The following NUDCD3 variants were observed in gnomAD, a reference collection of about 807,000 sequenced individuals.
NUDCD3 encodes the protein nudC domain-containing protein 3.
In NUDCD3, 13 loss-of-function variants were observed where a neutral mutation model predicts 39.7. That is an observed-to-expected ratio of 0.33 (90% CI 0.21 to 0.52). The LOEUF (loss-of-function observed/expected upper bound fraction) is 0.52, where lower values mean the gene tolerates loss of function less well. Among genes scored for constraint, NUDCD3 ranks in the 20% least tolerant of loss-of-function variants. The probability of loss-of-function intolerance (pLI) is 0.96; values close to 1 mark genes in which losing one functional copy is unlikely to be tolerated. For synonymous variants in NUDCD3, 175 were observed against 172.4 expected (o/e 1.02, Z -0.12); for missense variants, 453 against 458.1 (o/e 0.99, Z 0.10).
intron 2 of NUDCD3, among the ~76,000 whole-genome samples, chr7:44,442,432 C>G (rs994965785): frequency 6.6e-6 from 1 of 152,168 alleles, no homozygotes; most frequent in African/African-American, 2.4e-5. Context: ...ATGGAGACTG[C>G]AGGCAAGCCT....
chr7:44,396,183 T>C (rs1162348959), intron 4 of NUDCD3, among the ~76,000 whole-genome samples: 1 of 151,834 alleles, frequency 6.6e-6, no homozygotes, highest in Non-Finnish European at 1.5e-5. Context: ...GTCCTGACCA[T>C]ATACACACAG....
At chr7:44,401,798 A>T (rs923224417) in intron 4 of NUDCD3, among the ~76,000 whole-genome samples, 1 of 152,204 alleles carries the variant, frequency 6.6e-6, no homozygotes, top group African/African-American at 2.4e-5. Context: ...CAGCCAGGGC[A>T]CAAATGAAGC....
At chr7:44,478,291 C>G (rs959882087) in intron 2 of NUDCD3, among the ~76,000 whole-genome samples, 1 of 152,196 alleles carries the variant, frequency 6.6e-6, no homozygotes, top group Admixed American at 6.5e-5. Context: ...TGGCTCACGC[C>G]TGTAATTCCA....
chr7:44,419,154 G>A (rs1009093852), intron 3 of NUDCD3, among the ~76,000 whole-genome samples: 2 of 152,176 alleles, frequency 1.3e-5, no homozygotes, highest in African/African-American at 2.4e-5. Flanking sequence ...GTGGGGGGAA[G>A]GGCGCCTGCC....
At chr7:44,399,967 GA>G (rs1212953631) in intron 4 of NUDCD3, among the ~76,000 whole-genome samples, 6 of 152,124 alleles carry the variant, frequency 3.9e-5, no homozygotes, top group African/African-American at 1.2e-4. Flanking sequence ...AATACATGAA[GA>G]AGTGTATATG....
At chr7:44,425,137 T>C (rs1799209312) in intron 3 of NUDCD3, among the ~76,000 whole-genome samples, 1 of 151,792 alleles carries the variant, frequency 6.6e-6, no homozygotes, top group Admixed American at 6.6e-5. Context: ...CACCAGGGCC[T>C]GCCAAGGGGT....
chr7:44,473,845 A>G (rs6463236), intron 2 of NUDCD3, among the ~76,000 whole-genome samples: 20,565 of 152,190 alleles, frequency 0.14, 1,719 homozygotes, highest in Non-Finnish European at 0.19. Context: ...TACTTTACCA[A>G]ATAAATTTTG....
chr7:44,450,544 C>A (rs1244708210), intron 2 of NUDCD3, among the ~76,000 whole-genome samples: 1 of 151,992 alleles, frequency 6.6e-6, no homozygotes, highest in East Asian at 1.9e-4. Context: ...GTAATCCTAG[C>A]ACTCTGGGAG....
chr7:44,435,473 A>G (rs1178619664), intron 2 of NUDCD3, among the ~76,000 whole-genome samples: 3 of 152,242 alleles, frequency 2.0e-5, no homozygotes, highest in Admixed American at 1.3e-4. Flanking sequence ...CACGTAGCAT[A>G]TGAAAAATCC....
intron 2 of NUDCD3, among the ~76,000 whole-genome samples, chr7:44,457,556 A>G (rs1176772575): frequency 6.6e-6 from 1 of 152,240 alleles, no homozygotes; most frequent in African/African-American, 2.4e-5. Flanking sequence ...TATTCCATCT[A>G]CAATAGACTC....
intron 3 of NUDCD3, among the ~76,000 whole-genome samples, chr7:44,424,111 G>A (rs890377161): frequency 2.0e-5 from 3 of 151,936 alleles, no homozygotes; most frequent in African/African-American, 7.3e-5. Flanking sequence ...CAGAAACTAG[G>A]CCCCTTCCTT....
rs1259514431 is a variant in NUDCD3 at position 44,454,156 on chromosome 7, G to A, written c.510-26453C>T. Among the ~76,000 whole-genome samples the A allele has an allele frequency of 5.9e-5, 9 of 152,168 alleles. No homozygotes were observed. The South Asian group carries it at 6.2e-4, about 11-fold the overall frequency. On this transcript the variant is annotated intron_variant, in intron 2 of 5. Transcript: ENST00000355451. Reference sequence around the variant, plus strand: ...AGATCAAGACCATCCTGGCTAACACGGTGAAACGCTGTCTCTACTAAAAAT... The same window carrying A: ...AGATCAAGACCATCCTGGCTAACACAGTGAAACGCTGTCTCTACTAAAAAT...
At chr7:44,409,142 T>C (rs1051610720) in intron 3 of NUDCD3, among the ~76,000 whole-genome samples, 1 of 152,164 alleles carries the variant, frequency 6.6e-6, no homozygotes, top group Non-Finnish European at 1.5e-5. Flanking sequence ...GAAAGACACA[T>C]GAATGTACAG....
At chr7:44,443,937 G>A (rs979638722) in intron 2 of NUDCD3, among the ~76,000 whole-genome samples, 1 of 152,130 alleles carries the variant, frequency 6.6e-6, no homozygotes, top group Non-Finnish European at 1.5e-5. Flanking sequence ...GTGTTTGCAA[G>A]CAAAAATGTA....
intron 2 of NUDCD3, among the ~76,000 whole-genome samples, chr7:44,430,570 T>TCA (rs58853542): frequency 0.11 from 13,825 of 125,612 alleles, 678 homozygotes; most frequent in Middle Eastern, 0.15. Context: ...ACACACACAC[T>TCA]CACACACACA....
At position 44,428,399 on chromosome 7, in the gene NUDCD3, C is replaced by T. The variant is rs545743449; in HGVS notation, c.510-696G>A. Among the ~76,000 whole-genome samples, 6 of 151,656 alleles carry T rather than the reference C, an allele frequency of 4.0e-5. No individual in the cohort carries two copies. The East Asian group carries it at 1.2e-3, about 29-fold the overall frequency. On this transcript the variant is annotated intron_variant, in intron 2 of 5. Coordinates refer to ENST00000355451, the MANE Select transcript of NUDCD3 (RefSeq NM_015332.4). ...TGCAGGTTGCAGTGAGCCAAGATCACACCATTGCACTCCAGCCTGGGCAAC... is the reference window on the plus strand; with the variant it reads ...TGCAGGTTGCAGTGAGCCAAGATCATACCATTGCACTCCAGCCTGGGCAAC...
In NUDCD3 at chr7:44,485,158, CCTT is replaced by C. The variant is rs1162342364; in HGVS notation, c.316_318del (p.Lys106del). 6.2e-7 allele frequency: 1 copy of C among 1,614,068 alleles called. No individual in the cohort carries two copies. Among genetic ancestry groups the C allele is most frequent in the Non-Finnish European group, 8.5e-7 (1 of 1,180,056 alleles). ...TCCTGGACTGGAACTGGGACTGGCT[CCTT>C]CTCAGCTGCAGCAGCTGACACAGTC... is the stretch of plus-strand genomic sequence containing the variant. On this transcript the variant is annotated inframe_deletion, in exon 2 of 6. Coordinates refer to ENST00000355451, the MANE Select transcript of NUDCD3 (RefSeq NM_015332.4).
intron 2 of NUDCD3, among the ~76,000 whole-genome samples, chr7:44,442,611 G>T (rs1799608254): frequency 6.6e-6 from 1 of 151,850 alleles, no homozygotes; most frequent in Non-Finnish European, 1.5e-5. Context: ...CTCACTCATT[G>T]AATTACTTTC....
At chr7:44,421,601 A>G (rs1170555512) in intron 3 of NUDCD3, among the ~76,000 whole-genome samples, 1 of 152,154 alleles carries the variant, frequency 6.6e-6, no homozygotes, top group African/African-American at 2.4e-5. Flanking sequence ...AAAGGGATCA[A>G]TGAAACTAGA....
Sources: gnomAD v4.1 joint callset for allele counts (sites outside exome capture counted in the v4.1 genomes callset) on GRCh38, gnomAD v4.1.1 for gene constraint, MANE v1.5 for transcripts, NCBI Gene and HGNC (gene_info 2026-07-23, HGNC 2026-07-21) for gene names.